The following EML1 variants were observed in gnomAD, a reference collection of about 807,000 sequenced individuals.
The protein encoded by EML1 is EMAP like 1.
EML1 carries 27 observed loss-of-function variants against 110.4 expected under a neutral mutation model. The observed-to-expected ratio is 0.24, with a 90% CI of 0.18 to 0.34. The LOEUF is 0.34. Ranked by LOEUF, EML1 falls within the 10% of genes least tolerant of loss-of-function variation. The probability of loss-of-function intolerance (pLI) is 1.00; values close to 1 mark genes in which losing one functional copy is unlikely to be tolerated. For missense variants in EML1, 741 were observed against 1,030.9 expected (o/e 0.72, Z 3.85); for synonymous variants, 344 against 385.8 (o/e 0.89, Z 1.27).
intron 4 of EML1, among the ~76,000 whole-genome samples, chr14:99,882,195 T>C (rs1159610428): frequency 6.6e-6 from 1 of 152,206 alleles, no homozygotes; most frequent in Non-Finnish European, 1.5e-5. Context: ...AAATACTACA[T>C]TTAAATAGAG....
At chr14:99,821,260 A>G (rs1041623731) in intron 1 of EML1, among the ~76,000 whole-genome samples, 5 of 152,164 alleles carry the variant, frequency 3.3e-5, no homozygotes, top group East Asian at 1.9e-4. Flanking sequence ...TCCTGCCTCA[A>G]CATCTCAAAG....
At chr14:99,785,267 C>G (rs1380117623) in intron 1 of EML1, among the ~76,000 whole-genome samples, 2 of 152,262 alleles carry the variant, frequency 1.3e-5, no homozygotes, top group East Asian at 3.9e-4. Context: ...GTTGGCCAGG[C>G]TGGTCTCGAA....
intron 4 of EML1, chr14:99,886,195 CAT>C (rs1187887701): frequency 4.3e-6 from 1 of 232,806 alleles, no homozygotes; most frequent in African/African-American, 2.3e-5. Context: ...TAAAAGCAGT[CAT>C]GTGGCTGAGC....
At chr14:99,840,462 G>C (rs572323957) in intron 1 of EML1, among the ~76,000 whole-genome samples, 2 of 152,296 alleles carry the variant, frequency 1.3e-5, no homozygotes, top group Non-Finnish European at 2.9e-5. Context: ...CTTCATCTGT[G>C]GCATGAGGGT....
chr14:99,909,300 C>T (rs767526869), intron 10 of EML1, 45 bp from the exon 11 acceptor site: 21 of 1,613,276 alleles, frequency 1.3e-5, no homozygotes, highest in East Asian at 4.5e-5. Flanking sequence ...GTCTCTTACG[C>T]GTCTTAAGAG....
chr14:99,742,352 A>T (rs1471018693), intron 1 of EML1, among the ~76,000 whole-genome samples: 1 of 152,076 alleles, frequency 6.6e-6, no homozygotes, highest in Non-Finnish European at 1.5e-5. Context: ...TCCCTTGGGG[A>T]TAGGGAGCCA....
chr14:99,920,536 A>G (rs2060112232), intron 16 of EML1, among the ~76,000 whole-genome samples: 1 of 152,230 alleles, frequency 6.6e-6, no homozygotes, highest in Non-Finnish European at 1.5e-5. Flanking sequence ...AAGCACAAAC[A>G]CAGAGAAACC....
intron 17 of EML1, among the ~76,000 whole-genome samples, chr14:99,935,684 G>A (rs1370810568): frequency 6.6e-6 from 1 of 150,476 alleles, no homozygotes; most frequent in East Asian, 2.0e-4. Flanking sequence ...TCGGGAGGCT[G>A]AGGCAGGAGA....
intron 1 of EML1, among the ~76,000 whole-genome samples, chr14:99,826,718 C>CAA (rs200958618): frequency 1.4e-5 from 2 of 147,784 alleles, no homozygotes; most frequent in African/African-American, 5.0e-5. Context: ...GAAAAAAAAA[C>CAA]AAAAAAAAAC....
At chr14:99,802,237 G>C (rs567387306) in intron 1 of EML1, among the ~76,000 whole-genome samples, 10 of 152,172 alleles carry the variant, frequency 6.6e-5, no homozygotes, top group Non-Finnish European at 1.5e-4. Context: ...AGGGAAAGGA[G>C]TAGCGTGGCT....
intron 2 of EML1, among the ~76,000 whole-genome samples, chr14:99,857,206 A>T (rs1419381125): frequency 6.6e-6 from 1 of 152,134 alleles, no homozygotes; most frequent in Non-Finnish European, 1.5e-5. Context: ...CAGGAGGTCG[A>T]GGCTGCAGTG....
At chr14:99,777,982 C>T (rs2057501263) in intron 1 of EML1, among the ~76,000 whole-genome samples, 1 of 152,058 alleles carries the variant, frequency 6.6e-6, no homozygotes, top group Non-Finnish European at 1.5e-5. Flanking sequence ...TTTATAGAGA[C>T]AGGGGCTCAC....
At chr14:99,937,791 G>A (rs1383013543) in intron 19 of EML1, 26 bp from the exon 20 acceptor site, 1 of 1,609,816 alleles carries the variant, frequency 6.2e-7, no homozygotes, top group East Asian at 2.2e-5. Flanking sequence ...TGGCTTAGAT[G>A]TTGCCAGACT....
At position 99,923,738 on chromosome 14, in the gene EML1, G is replaced by A. The variant is rs745558133; in HGVS notation, c.1909+2861G>A. 8.8e-5 allele frequency among the ~76,000 whole-genome samples: 9 copies of A among 102,556 alleles called. 1 individual carries two copies. Among genetic ancestry groups the A allele is most frequent in the African/African-American group, 2.0e-4 (2 of 9,880 alleles). The allele number at this position is 102,556 out of a possible 152,430, so 67.3% of individuals were successfully genotyped here. ...CAAATTTGTTGTTTTTTTCAAAATA[G>A]TGTTGGCTATTTTAGGTTCCTACTA... On this transcript the variant is annotated intron_variant, in intron 17 of 21. Transcript: ENST00000262233.
chr14:99,885,986 T>C (rs1249423791), intron 4 of EML1: 11 of 430,304 alleles, frequency 2.6e-5, no homozygotes, highest in South Asian at 1.3e-4. Context: ...GAAGTATTGG[T>C]TGGAAATGTC....
intron 17 of EML1, among the ~76,000 whole-genome samples, chr14:99,923,613 G>A: frequency 6.7e-6 from 1 of 148,938 alleles, no homozygotes; most frequent in Non-Finnish European, 1.5e-5. Context: ...GAAATGTAAA[G>A]GTTTATTTCC....
chr14:99,898,684 G>A (rs532058844), intron 8 of EML1, among the ~76,000 whole-genome samples: 62 of 151,512 alleles, frequency 4.1e-4, no homozygotes, highest in African/African-American at 1.4e-3. Flanking sequence ...CCCGGGAGGC[G>A]GAGGTTGCAG....
At chr14:99,858,465 G>A (rs1394302154) in intron 2 of EML1, among the ~76,000 whole-genome samples, 1 of 152,058 alleles carries the variant, frequency 6.6e-6, no homozygotes, top group Non-Finnish European at 1.5e-5. Context: ...GATTACAGGC[G>A]TGAGCCACCG....
chr14:99,894,616 G>A lies in EML1; in HGVS notation c.548-13G>A. ...ACTGAGGTATCTTACTGAAATCTTT[G>A]TTCTTTTTGTAGAAGAAGGCTATGT... On this transcript the variant is annotated splice_polypyrimidine_tract_variant and intron_variant, in intron 5 of 21. Coordinates refer to ENST00000262233, the MANE Select transcript of EML1 (RefSeq NM_004434.3). The A allele has an allele frequency of 6.2e-7, 1 of 1,608,746 alleles. No homozygotes were observed. Among genetic ancestry groups the A allele is most frequent in the Non-Finnish European group, 8.5e-7 (1 of 1,177,792 alleles).
Sources: allele counts gnomAD v4.1 joint callset (sites outside exome capture counted in the v4.1 genomes callset), GRCh38; gene constraint gnomAD v4.1.1; transcripts MANE v1.5; gene names NCBI Gene and HGNC (gene_info 2026-07-23, HGNC 2026-07-21).